Variants in SCFD2 observed in about 807,000 individuals in gnomAD.
SCFD2 encodes sec1 family domain containing 2, also known as sec1 family domain-containing protein 2.
Under a neutral mutation model 58.9 loss-of-function variants are expected in SCFD2, and 54 were observed. The ratio of observed to expected loss-of-function variants is 0.92; its 90% CI spans 0.74 to 1.15. SCFD2 has a LOEUF of 1.15. SCFD2 is among the 50% of genes most tolerant of loss of function. SCFD2 has a pLI of 0.00. For missense variants in SCFD2, 805 were observed against 836.6 expected, an observed-to-expected ratio of 0.96 and a Z score of 0.47; for synonymous variants, 321 against 335.9, an observed-to-expected ratio of 0.96 and a Z score of 0.49.
At chr4:53,158,481 C>G (rs73143456) in intron 4 of SCFD2, among the ~76,000 whole-genome samples, 14,736 of 152,156 alleles carry the variant, frequency 0.097, 848 homozygotes, top group East Asian at 0.23. Flanking sequence ...TACCATCACT[C>G]TTCCAGTTGA....
rs1408035822 is a variant in SCFD2 at position 53,145,546 on chromosome 4, G to T, written c.1348C>A (p.Gln450Lys). 2 of 1,614,030 alleles carry T rather than the reference G, an allele frequency of 1.2e-6. No individual in the cohort carries two copies. Among genetic ancestry groups the T allele is most frequent in the African/African-American group, 2.7e-5 (2 of 75,006 alleles). Residue 450 changes from glutamine (Q) to lysine (K), a missense_variant, in exon 5 of 9, where the codon CAG becomes AAG. Gln to Lys is a moderately conservative substitution (Grantham distance 53). Coordinates refer to ENST00000401642, the MANE Select transcript of SCFD2 (RefSeq NM_152540.4). ...ACAGGCTTAATCATGGGCAGCAGCT[G>T]ATTTAACACAACGGACATTGCTGAC... ...GESAMSVVLN[Q>K]LLPMIKPVTQ... is the part of the protein sequence containing the mutation.
intron 5 of SCFD2, among the ~76,000 whole-genome samples, chr4:52,964,101 C>CT (rs1387931773): frequency 6.6e-6 from 1 of 152,190 alleles, no homozygotes; most frequent in Non-Finnish European, 1.5e-5. Flanking sequence ...ACCAACACAT[C>CT]TTTTCCTGAA....
intron 3 of SCFD2, among the ~76,000 whole-genome samples, chr4:53,275,151 G>A (rs78236766): frequency 2.0e-5 from 3 of 152,284 alleles, no homozygotes; most frequent in Non-Finnish European, 2.9e-5. Context: ...CCTGCCTGAC[G>A]TGCTAAGAAA....
chr4:53,137,349 G>C (rs552565092), intron 5 of SCFD2, among the ~76,000 whole-genome samples: 3 of 152,342 alleles, frequency 2.0e-5, no homozygotes, highest in African/African-American at 7.2e-5. Flanking sequence ...AGCATCCAGC[G>C]CATGACCATG....
intron 3 of SCFD2, among the ~76,000 whole-genome samples, chr4:53,282,373 A>G (rs1731533011): frequency 6.6e-6 from 1 of 151,840 alleles, no homozygotes; most frequent in South Asian, 2.1e-4. Flanking sequence ...TTGTTCCTAC[A>G]TTTTAGGAGA....
intron 7 of SCFD2, among the ~76,000 whole-genome samples, chr4:52,899,488 T>G (rs1042521735): frequency 2.8e-4 from 43 of 152,206 alleles, no homozygotes; most frequent in African/African-American, 1.0e-3. Context: ...CCCACTCTCT[T>G]CTGGCTTGTG....
chr4:52,955,711 C>T (rs1254003138), intron 5 of SCFD2, among the ~76,000 whole-genome samples: 1 of 152,128 alleles, frequency 6.6e-6, no homozygotes, highest in Non-Finnish European at 1.5e-5. Flanking sequence ...TAAAAAGACC[C>T]CAGCAGCAGA....
At chr4:53,061,930 C>T (rs1344221865) in intron 5 of SCFD2, among the ~76,000 whole-genome samples, 1 of 152,072 alleles carries the variant, frequency 6.6e-6, no homozygotes, top group Admixed American at 6.6e-5. Context: ...CACGATTAGA[C>T]AGAGGGTGAG....
intron 4 of SCFD2, among the ~76,000 whole-genome samples, chr4:53,249,620 T>C (rs1323226463): frequency 6.6e-6 from 1 of 152,162 alleles, no homozygotes; most frequent in African/African-American, 2.4e-5. Flanking sequence ...GCAAAAACTC[T>C]ACAAGCCAGA....
At chr4:53,268,132 G>T (rs1370148568) in intron 4 of SCFD2, among the ~76,000 whole-genome samples, 1 of 152,124 alleles carries the variant, frequency 6.6e-6, no homozygotes, top group Non-Finnish European at 1.5e-5. Context: ...TATGAAGAGG[G>T]TGTCCACAGG....
chr4:53,337,308 G>A (rs1733715851), intron 2 of SCFD2, among the ~76,000 whole-genome samples: 1 of 151,992 alleles, frequency 6.6e-6, no homozygotes, highest in Non-Finnish European at 1.5e-5. Flanking sequence ...ATTGGATTAG[G>A]GCCTACCATA....
At chr4:53,158,328 T>G (rs1726750739) in intron 4 of SCFD2, among the ~76,000 whole-genome samples, 2 of 152,206 alleles carry the variant, frequency 1.3e-5, no homozygotes, top group Admixed American at 6.5e-5. Flanking sequence ...TCTCCTTTGC[T>G]CCAAACCCAG....
At chr4:53,192,641 C>T (rs950342544) in intron 4 of SCFD2, among the ~76,000 whole-genome samples, 2 of 152,202 alleles carry the variant, frequency 1.3e-5, no homozygotes, top group Non-Finnish European at 2.9e-5. Flanking sequence ...CAATGTATGA[C>T]TGCGTGCAAG....
intron 5 of SCFD2, among the ~76,000 whole-genome samples, chr4:53,101,849 T>TA (rs975634178): frequency 1.5e-3 from 221 of 151,038 alleles, no homozygotes; most frequent in African/African-American, 5.0e-3. Context: ...ACATCCCAAT[T>TA]AAAAAAAAAC....
intron 2 of SCFD2, 75 bp downstream of exon 2, chr4:53,352,523 T>C (rs1234351095): frequency 2.4e-5 from 28 of 1,186,854 alleles, no homozygotes; most frequent in Non-Finnish European, 3.0e-5. Flanking sequence ...TTTTTTCCTA[T>C]GGGAATACTC....
At chr4:53,212,582 G>A (rs1166635362) in intron 4 of SCFD2, among the ~76,000 whole-genome samples, 1 of 83,212 alleles carries the variant, frequency 1.2e-5, no homozygotes, top group Non-Finnish European at 3.1e-5. Context: ...GCACGTGTGT[G>A]TGTGTGTGTG....
rs189520998 is a variant in SCFD2 at position 52,885,664 on chromosome 4, T to G, written c.1962+83A>C. Reference sequence around the variant, plus strand: ...GGCAGGCAGGCTAGGAGAGGGGCACTGGGACCCATAGGTGGAGGGCCCTCA... The same window carrying G: ...GGCAGGCAGGCTAGGAGAGGGGCACGGGGACCCATAGGTGGAGGGCCCTCA... On this transcript the variant is annotated intron_variant, in intron 8 of 8. Transcript: ENST00000401642. The G allele has an allele frequency of 2.1e-4, 322 of 1,535,142 alleles. 1 individual carries two copies. The East Asian group carries it at 6.5e-3, about 31-fold the overall frequency.
chr4:53,194,561 A>T (rs1309953764), intron 4 of SCFD2, among the ~76,000 whole-genome samples: 1 of 152,194 alleles, frequency 6.6e-6, no homozygotes, highest in Non-Finnish European at 1.5e-5. Context: ...TTACTCAGCC[A>T]AAGAAGTACC....
At chr4:52,966,273 C>A (rs1720960871) in intron 5 of SCFD2, among the ~76,000 whole-genome samples, 2 of 152,196 alleles carry the variant, frequency 1.3e-5, no homozygotes, top group South Asian at 2.1e-4. Flanking sequence ...ATACTCTCAA[C>A]TGATTATACG....
Sources: gnomAD v4.1 joint callset for allele counts (sites outside exome capture counted in the v4.1 genomes callset) on GRCh38, gnomAD v4.1.1 for gene constraint, MANE v1.5 for transcripts, NCBI Gene and HGNC (gene_info 2026-07-23, HGNC 2026-07-21) for gene names.